Variants in OGFOD3 observed in about 807,000 individuals in gnomAD.
OGFOD3 encodes 2-oxoglutarate and iron dependent oxygenase domain containing 3, also known as 2-oxoglutarate and iron-dependent oxygenase domain-containing protein 3.
Under a neutral mutation model 39.8 loss-of-function variants are expected in OGFOD3, and 35 were observed. That is an observed-to-expected ratio of 0.88 (90% CI 0.67 to 1.17). OGFOD3 has a LOEUF of 1.17. OGFOD3 is among the 50% of genes most tolerant of loss of function. The pLI is 0.00. For synonymous variants in OGFOD3, 200 were observed against 192.0 expected (o/e 1.04, Z -0.34); for missense variants, 438 against 454.5 (o/e 0.96, Z 0.33).
Position 82,415,731 on chromosome 17 carries a change from ACGTCACC to A in OGFOD3, c.75-111_75-105del. On this transcript the variant is annotated intron_variant, in intron 1 of 8. Transcript: ENST00000313056. This position sits in a 1 kb window ranked among gnomAD's most constrained non-coding sequence, Gnocchi z 5.3. ...GCACCATGACCCGGCCTTCACTCAC[ACGTCACC>A]CCTGAAACGAGGGCTTCCTGCCTGG... 9.8e-7 allele frequency: 1 copy of A among 1,015,908 alleles called. No individual in the cohort carries two copies. The highest frequency in any genetic ancestry group is 1.4e-6 in the Non-Finnish European group (1 of 706,006). The allele number at this position is 1,015,908 out of a possible 1,614,324, so 62.9% of individuals were successfully genotyped here. A position where few individuals can be genotyped will look rare whatever the true frequency, so the allele number is the denominator to read the frequency against.
intron 4 of OGFOD3, among the ~76,000 whole-genome samples, chr17:82,407,527 A>T (rs1425236750): frequency 6.6e-6 from 1 of 152,178 alleles, no homozygotes; most frequent in African/African-American, 2.4e-5. Context: ...CCACTGCTGA[A>T]GTGTTTCCTG....
At chr17:82,402,610 G>C (rs2052785204) in intron 7 of OGFOD3, among the ~76,000 whole-genome samples, 1 of 152,064 alleles carries the variant, frequency 6.6e-6, no homozygotes, top group African/African-American at 2.4e-5. Flanking sequence ...AGCCGAGCGT[G>C]GTGGCATGTG....
At chr17:82,398,459 A>G (rs1309352761) in intron 7 of OGFOD3, 140 bp from the exon 8 acceptor site, 9 of 1,006,550 alleles carry the variant, frequency 8.9e-6, no homozygotes, top group Middle Eastern at 3.2e-4. Context: ...GAGTGCAGTG[A>G]TGCGATCTCG....
rs190229705 is a variant in OGFOD3, at chr17:82,406,750, C to T, written c.424-268G>A. Among the ~76,000 whole-genome samples the T allele has an allele frequency of 6.6e-6, 1 of 152,120 alleles. No individual in the cohort carries two copies. The highest frequency in any genetic ancestry group is 1.5e-5 in the Non-Finnish European group (1 of 68,024). On this transcript the variant is annotated intron_variant, in intron 4 of 8. Coordinates refer to ENST00000313056, the MANE Select transcript of OGFOD3 (RefSeq NM_024648.3). The surrounding 1 kb of genome is among the most constrained non-coding windows in gnomAD (Gnocchi z 5.2). The stretch of plus-strand genomic sequence containing the variant: ...CCTCTGCCTCCCAAGTAAAGGCGCT[C>T]GCCACCACACCTGGCTAATTTTTCT...
Position 82,392,753 on chromosome 17 carries a change from C to T in OGFOD3, c.824-219G>A. 1 of 601,108 alleles carries T rather than the reference C, an allele frequency of 1.7e-6. No individual in the cohort carries two copies. Among genetic ancestry groups the T allele is most frequent in the Non-Finnish European group, 2.9e-6 (1 of 348,472 alleles). 37.2% of individuals were successfully genotyped at this position (601,108 alleles called of 1,614,324 possible). On this transcript the variant is annotated intron_variant, in intron 8 of 8. Transcript: ENST00000313056. This position sits in a 1 kb window ranked among gnomAD's most constrained non-coding sequence, Gnocchi z 4.2. Reference sequence around the variant, plus strand: ...GGGCCCTGTGGCGGAGGAGGGGCCCCCCGGGGCCAGCAGGGACTCTGTGGT... The same window carrying T: ...GGGCCCTGTGGCGGAGGAGGGGCCCTCCGGGGCCAGCAGGGACTCTGTGGT...
At chr17:82,394,750 A>T (rs778346531) in intron 8 of OGFOD3, among the ~76,000 whole-genome samples, 76 of 152,132 alleles carry the variant, frequency 5.0e-4, no homozygotes, top group Non-Finnish European at 5.1e-4. Flanking sequence ...TGACAGTGTC[A>T]CTTATGGTGG....
chr17:82,389,462 CG>C lies in OGFOD3; in HGVS notation c.*2935del. On this transcript the variant is annotated 3_prime_UTR_variant, in exon 9 of 9. Coordinates refer to ENST00000313056, the MANE Select transcript of OGFOD3 (RefSeq NM_024648.3). This position sits in a 1 kb window ranked among gnomAD's most constrained non-coding sequence, Gnocchi z 4.6. The stretch of plus-strand genomic sequence containing the variant: ...GTGTGAGGATTCACTGCTGTGCCCA[CG>C]TATTTTCCCACCTTTTTATTTTTTT... 2 of 152,314 alleles carry C rather than the reference CG, an allele frequency of 1.3e-5. No individual in the cohort carries two copies. The highest frequency in any genetic ancestry group is 6.8e-3 in the Middle Eastern group (2 of 294). 9.4% of individuals were successfully genotyped at this position (152,314 alleles called of 1,614,324 possible).
At chr17:82,394,316 CTA>C (rs2052637021) in intron 8 of OGFOD3, 1 of 1,524,084 alleles carries the variant, frequency 6.6e-7, no homozygotes, top group South Asian at 1.3e-5. Flanking sequence ...TAGTAAATGA[CTA>C]TTAGATTATC....
At chr17:82,398,723 G>A (rs55969064) in intron 7 of OGFOD3, among the ~76,000 whole-genome samples, 44 of 150,382 alleles carry the variant, frequency 2.9e-4, no homozygotes, top group Non-Finnish European at 4.6e-4. Context: ...ATAGGGTATC[G>A]CTTTTTTTAC....
chr17:82,404,111 G>A lies in OGFOD3; in HGVS notation c.546-21C>T, dbSNP rs756353245. On this transcript the variant is annotated intron_variant, in intron 6 of 8. Coordinates refer to ENST00000313056, the MANE Select transcript of OGFOD3 (RefSeq NM_024648.3). This position sits in a 1 kb window ranked among gnomAD's most constrained non-coding sequence, Gnocchi z 4.5. ...CCTCCCTGCAGAGGACACAATAGCCGTCAGCGCAGCCCCAGGCGGGAGGGG... is the reference window on the plus strand; with the variant it reads ...CCTCCCTGCAGAGGACACAATAGCCATCAGCGCAGCCCCAGGCGGGAGGGG... 3 of 1,560,276 alleles carry A rather than the reference G, an allele frequency of 1.9e-6. No individual in the cohort carries two copies. The highest frequency in any genetic ancestry group is 1.8e-5 in the Admixed American group (1 of 55,316).
intron 3 of OGFOD3, 127 bp downstream of exon 3, chr17:82,411,328 T>G: frequency 1.8e-5 from 15 of 818,342 alleles, no homozygotes; most frequent in Non-Finnish European, 2.8e-5. Flanking sequence ...ATTACAGGCG[T>G]GAGCCACCAC....
At chr17:82,417,029 G>A (rs1355979459) in intron 1 of OGFOD3, among the ~76,000 whole-genome samples, 1 of 151,850 alleles carries the variant, frequency 6.6e-6, no homozygotes, top group Non-Finnish European at 1.5e-5. Flanking sequence ...ACTGGTACTC[G>A]GTATTTCAGA....
At chr17:82,409,682 G>A (rs1392694795) in intron 3 of OGFOD3, among the ~76,000 whole-genome samples, 1 of 152,158 alleles carries the variant, frequency 6.6e-6, no homozygotes, top group Non-Finnish European at 1.5e-5. Flanking sequence ...GGATCACGAG[G>A]TCAGGAGTTC....
chr17:82,403,588 G>A (rs138438959), intron 7 of OGFOD3, among the ~76,000 whole-genome samples: 11 of 152,088 alleles, frequency 7.2e-5, no homozygotes, highest in African/African-American at 2.4e-4. Context: ...GCCGAATCGC[G>A]CCACTGCACT....
rs772268770 is a variant in OGFOD3 at position 82,398,257 on chromosome 17, G to A, written c.762C>T (p.Phe254=). 8.7e-6 allele frequency: 14 copies of A among 1,614,168 alleles called. No homozygotes were observed. Among genetic ancestry groups the A allele is most frequent in the African/African-American group, 4.0e-5 (3 of 75,036 alleles). ...CCATGAACATGAACCGCCCTCCGCC[G>A]AAGTCCTCCAGGTAGTTGGAGAGGT... ...LLYLSNYLED[F]GGGRFMFMEE... is the part of the protein sequence containing the mutation. Residue 254 remains phenylalanine (F), a synonymous_variant, in exon 8 of 9, where the codon TTC becomes TTT. Coordinates refer to ENST00000313056, the MANE Select transcript of OGFOD3 (RefSeq NM_024648.3).
chr17:82,414,874 C>G (rs796335752), intron 2 of OGFOD3, among the ~76,000 whole-genome samples: 11 of 152,298 alleles, frequency 7.2e-5, no homozygotes, highest in African/African-American at 1.7e-4. Context: ...GTGGCCGGCC[C>G]GGTCAGACCT....
rs1599696813 is a variant in OGFOD3, at chr17:82,406,245, G to A, written c.488+173C>T. 6.6e-6 allele frequency among the ~76,000 whole-genome samples: 1 copy of A among 152,158 alleles called. No homozygotes were observed. The highest frequency in any genetic ancestry group is 1.5e-5 in the Non-Finnish European group (1 of 68,036). On this transcript the variant is annotated intron_variant, in intron 5 of 8. Coordinates refer to ENST00000313056, the MANE Select transcript of OGFOD3 (RefSeq NM_024648.3). The surrounding 1 kb of genome is among the most constrained non-coding windows in gnomAD (Gnocchi z 5.2). The stretch of plus-strand genomic sequence containing the variant: ...AGAGTCCACACCTCCCAGCTCTTGC[G>A]TCCCAAAGAACCAGGAAGGACCCGG...
At chr17:82,403,259 C>G (rs907275167) in intron 7 of OGFOD3, among the ~76,000 whole-genome samples, 1 of 152,134 alleles carries the variant, frequency 6.6e-6, no homozygotes, top group Non-Finnish European at 1.5e-5. Context: ...TTGTCACCAT[C>G]AAATGAGAAA....
chr17:82,404,098 G>C lies in OGFOD3; in HGVS notation c.546-8C>G. 1 of 1,580,784 alleles carries C rather than the reference G, an allele frequency of 6.3e-7. No homozygotes were observed. Among genetic ancestry groups the C allele is most frequent in the African/African-American group, 1.3e-5 (1 of 74,666 alleles). On this transcript the variant is annotated splice_polypyrimidine_tract_variant and splice_region_variant and intron_variant, in intron 6 of 8. Transcript: ENST00000313056. The surrounding 1 kb of genome is among the most constrained non-coding windows in gnomAD (Gnocchi z 4.5). The stretch of plus-strand genomic sequence containing the variant: ...ACCTTCTGCCGCACCTCCCTGCAGA[G>C]GACACAATAGCCGTCAGCGCAGCCC...
Sources: gnomAD v4.1 joint callset for allele counts (sites outside exome capture counted in the v4.1 genomes callset) on GRCh38, gnomAD v4.1.1 for gene constraint, Gnocchi (gnomAD v3.1) non-coding constraint, MANE v1.5 for transcripts, NCBI Gene and HGNC (gene_info 2026-07-23, HGNC 2026-07-21) for gene names.